KIAA0319L: variants seen among roughly 807,000 people sequenced by gnomAD.
KIAA0319L encodes the protein KIAA0319 like.
KIAA0319L carries 55 observed loss-of-function variants against 120.1 expected under a neutral mutation model. The ratio of observed to expected loss-of-function variants is 0.46; its 90% CI spans 0.37 to 0.57. KIAA0319L has a LOEUF of 0.57. Among genes scored for constraint, KIAA0319L ranks in the 20% least tolerant of loss-of-function variants. The pLI is 0.00. For synonymous variants in KIAA0319L, 398 were observed against 471.9 expected (o/e 0.84, Z 2.03); for missense variants, 1,049 against 1,255.3 (o/e 0.84, Z 2.48).
At chr1:35,479,892 G>C (rs1268853486) in intron 3 of KIAA0319L, among the ~76,000 whole-genome samples, 4 of 118,454 alleles carry the variant, frequency 3.4e-5, no homozygotes, top group African/African-American at 1.2e-4. Context: ...GACAGAATGA[G>C]ACCTTGTCTC....
chr1:35,541,218 A>G (rs760121774), intron 2 of KIAA0319L, among the ~76,000 whole-genome samples: 3 of 151,928 alleles, frequency 2.0e-5, no homozygotes, highest in Non-Finnish European at 4.4e-5. Flanking sequence ...CTGGGATTAC[A>G]AGCATGAGCC....
intron 2 of KIAA0319L, among the ~76,000 whole-genome samples, chr1:35,526,388 CATATATATATAT>C (rs60847372): frequency 7.9e-6 from 1 of 127,140 alleles, no homozygotes; most frequent in East Asian, 2.1e-4. Flanking sequence ...TATATACATA[CATATATATATAT>C]ATATATATAT....
chr1:35,503,655 T>A (rs1178207399), intron 3 of KIAA0319L, among the ~76,000 whole-genome samples: 1 of 152,130 alleles, frequency 6.6e-6, no homozygotes, highest in Admixed American at 6.6e-5. Flanking sequence ...ATGGTTCTCT[T>A]GCCTGAAAAG....
intron 3 of KIAA0319L, among the ~76,000 whole-genome samples, chr1:35,499,403 G>A (rs927953530): frequency 2.6e-5 from 4 of 152,062 alleles, no homozygotes; most frequent in African/African-American, 7.2e-5. Flanking sequence ...CTCTTCCACC[G>A]TGTGAGAACA....
At chr1:35,463,877 T>C (rs1643070953) in intron 7 of KIAA0319L, among the ~76,000 whole-genome samples, 1 of 152,150 alleles carries the variant, frequency 6.6e-6, no homozygotes, top group Admixed American at 6.5e-5. Context: ...TGATAGTGAA[T>C]GAGTCTCACA....
Position 35,453,439 on chromosome 1 carries a change from C to T in KIAA0319L, c.1913+118G>A, listed in dbSNP as rs567990639. Reference sequence around the variant, plus strand: ...AGTTTGGAATTGCAAACATTTCTTCCTCAGTCACCCCACTGGATAAGCCAA... The same window carrying T: ...AGTTTGGAATTGCAAACATTTCTTCTTCAGTCACCCCACTGGATAAGCCAA... On this transcript the variant is annotated intron_variant, in intron 12 of 20. Transcript: ENST00000325722. This position sits in a 1 kb window ranked among gnomAD's most constrained non-coding sequence, Gnocchi z 4.1. 5.8e-5 allele frequency: 48 copies of T among 823,878 alleles called. No homozygotes were observed. Among genetic ancestry groups the T allele is most frequent in the Middle Eastern group, 2.4e-4 (1 of 4,138 alleles). 51.0% of individuals were successfully genotyped at this position (823,878 alleles called of 1,614,324 possible). A position where few individuals can be genotyped will look rare whatever the true frequency, so the allele number is the denominator to read the frequency against.
At chr1:35,489,689 T>A (rs1644519395) in intron 3 of KIAA0319L, among the ~76,000 whole-genome samples, 1 of 150,686 alleles carries the variant, frequency 6.6e-6, no homozygotes, top group African/African-American at 2.4e-5. Context: ...TTTTTTGAGA[T>A]GGAGTCTCAC....
Position 35,442,262 on chromosome 1 carries a change from T to C in KIAA0319L, c.2854A>G (p.Ile952Val). 1.2e-6 allele frequency: 2 copies of C among 1,612,464 alleles called. No individual in the cohort carries two copies. Among genetic ancestry groups the C allele is most frequent in the South Asian group, 2.2e-5 (2 of 91,058 alleles). ...CCATCTTACCTCTTACAACAACAGA[T>C]CACAGTCCAAGACAGGATTCCCAAG... ...VALGILSWTV[I>V]CCCKRQKGKP... Residue 952 changes from isoleucine to valine, a missense_variant, in exon 19 of 21, where the codon ATC (isoleucine) becomes GTC (valine). Ile to Val is a conservative substitution (Grantham distance 29). Transcript: ENST00000325722.
rs1641339394 is a variant in KIAA0319L at position 35,443,010 on chromosome 1, G to C, written c.2675C>G (p.Ser892Cys). 6.2e-7 allele frequency: 1 copy of C among 1,614,164 alleles called. No individual in the cohort carries two copies. Among genetic ancestry groups the C allele is most frequent in the East Asian group, 2.2e-5 (1 of 44,882 alleles). ...GAACGAGTCACAGTGGCCATGGTCG[G>C]AACAGTTCAGCTGACATGCTGAGAG... ...VNTVTCQLNC[S>C]DHGHCDSFTK... Residue 892 changes from serine to cysteine, a missense_variant, in exon 18 of 21, where the codon TCC becomes TGC. Coordinates refer to ENST00000325722, the MANE Select transcript of KIAA0319L (RefSeq NM_024874.5).
intron 4 of KIAA0319L, among the ~76,000 whole-genome samples, chr1:35,477,406 G>T (rs932056570): frequency 3.7e-4 from 57 of 152,124 alleles, no homozygotes; most frequent in Non-Finnish European, 1.9e-4. Flanking sequence ...GGTGGCTCAC[G>T]CCTGTAATCC....
At chr1:35,497,384 G>A (rs957313735) in intron 3 of KIAA0319L, among the ~76,000 whole-genome samples, 2 of 152,136 alleles carry the variant, frequency 1.3e-5, no homozygotes, top group Non-Finnish European at 2.9e-5. Context: ...AAAAGAATAC[G>A]TATGTAATGT....
rs930135268 is a variant in KIAA0319L, at chr1:35,444,181, G to C, written c.2636C>G (p.Ala879Gly). 2 of 1,605,552 alleles carry C rather than the reference G, an allele frequency of 1.2e-6. No individual in the cohort carries two copies. Among genetic ancestry groups the C allele is most frequent in the African/African-American group, 1.3e-5 (1 of 74,618 alleles). ...CTCACTGACAGTGTTGACTTCCAAG[G>C]CTCTGAATATCAAAAAGTCTGCCTT... is the stretch of plus-strand genomic sequence containing the variant. ...KQKADFLIFR[A>G]LEVNTVTCQL... The change falls in exon 17 of 21, where the codon GCC becomes GGC. Residue 879 changes from alanine to glycine, a missense_variant. Coordinates refer to ENST00000325722, the MANE Select transcript of KIAA0319L (RefSeq NM_024874.5).
At chr1:35,499,429 G>A (rs535609894) in intron 3 of KIAA0319L, among the ~76,000 whole-genome samples, 1 of 152,272 alleles carries the variant, frequency 6.6e-6, no homozygotes, top group South Asian at 2.1e-4. Flanking sequence ...AGAATGCAGT[G>A]TCTATGCAGA....
At position 35,440,706 on chromosome 1, in the gene KIAA0319L, C is replaced by A. The variant is rs570953456; in HGVS notation, c.2962+341G>T. ...CTCTGCCCATAAAGCACAGACTGGT[C>A]AGCAGTAAGAGACAAGTCCAAGGTC... is the stretch of plus-strand genomic sequence containing the variant. On this transcript the variant is annotated intron_variant, in intron 20 of 20. Coordinates refer to ENST00000325722, the MANE Select transcript of KIAA0319L (RefSeq NM_024874.5). 3.3e-4 allele frequency: 95 copies of A among 287,390 alleles called. 1 individual carries two copies. The South Asian group carries it at 3.9e-3, about 12-fold the overall frequency. 17.8% of individuals were successfully genotyped at this position (287,390 alleles called of 1,614,324 possible).
chr1:35,517,287 G>A (rs80056729), intron 2 of KIAA0319L, among the ~76,000 whole-genome samples: 3 of 152,240 alleles, frequency 2.0e-5, no homozygotes, highest in Non-Finnish European at 2.9e-5. Context: ...AAAGCTGGTG[G>A]TACCACGTTA....
chr1:35,534,684 C>T (rs1646499221), intron 2 of KIAA0319L, among the ~76,000 whole-genome samples: 1 of 151,554 alleles, frequency 6.6e-6, no homozygotes, highest in African/African-American at 2.4e-5. Flanking sequence ...ACAGTGAAAC[C>T]CCATCTCTAC....
At chr1:35,520,692 T>C (rs150904296) in intron 2 of KIAA0319L, among the ~76,000 whole-genome samples, 1 of 152,318 alleles carries the variant, frequency 6.6e-6, no homozygotes, top group East Asian at 1.9e-4. Context: ...CTTTTCAAAA[T>C]TGAAGCACCC....
chr1:35,504,409 A>G (rs188389914), intron 3 of KIAA0319L, among the ~76,000 whole-genome samples: 1,808 of 152,034 alleles, frequency 0.012, 34 homozygotes, highest in African/African-American at 0.038. Context: ...TGTTATCCAG[A>G]ATGGTCTCGA....
rs1243879174 is a variant in KIAA0319L at position 35,448,351 on chromosome 1, A to T, written c.2354-19T>A. 1 of 1,609,926 alleles carries T rather than the reference A, an allele frequency of 6.2e-7. No homozygotes were observed. Among genetic ancestry groups the T allele is most frequent in the Admixed American group, 1.7e-5 (1 of 59,576 alleles). ...CTGGGATCTGGAAAGCATGTGGATC[A>T]GTCATGGCTTTAGAAGTAGGAGAGT... On this transcript the variant is annotated intron_variant, in intron 15 of 20. Transcript: ENST00000325722.
Sources: allele counts gnomAD v4.1 joint callset (sites outside exome capture counted in the v4.1 genomes callset), GRCh38; gene constraint gnomAD v4.1.1; non-coding constraint Gnocchi (gnomAD v3.1); transcripts MANE v1.5; gene names NCBI Gene and HGNC (gene_info 2026-07-23, HGNC 2026-07-21).